The following DENND5B variants were observed in gnomAD, a reference collection of about 807,000 sequenced individuals.
DENND5B encodes the protein DENN domain-containing protein 5B.
In DENND5B, 34 loss-of-function variants were observed where a neutral mutation model predicts 140.6. The observed-to-expected ratio is 0.24, with a 90% CI of 0.18 to 0.32. The LOEUF (loss-of-function observed/expected upper bound fraction) is 0.32, where lower values mean the gene tolerates loss of function less well. DENND5B is among the 10% of genes least tolerant of loss of function. DENND5B has a pLI of 1.00. For synonymous variants in DENND5B, 551 were observed against 562.1 expected, an observed-to-expected ratio of 0.98 and a Z score of 0.28; for missense variants, 1,142 against 1,560.2, an observed-to-expected ratio of 0.73 and a Z score of 4.52.
intron 1 of DENND5B, among the ~76,000 whole-genome samples, chr12:31,547,194 T>C (rs1392808048): frequency 6.6e-6 from 1 of 152,216 alleles, no homozygotes; most frequent in African/African-American, 2.4e-5. Context: ...ATACACATTG[T>C]TAAACATATA....
At chr12:31,558,316 T>C (rs1054213859) in intron 1 of DENND5B, among the ~76,000 whole-genome samples, 3 of 150,534 alleles carry the variant, frequency 2.0e-5, no homozygotes, top group Non-Finnish European at 3.0e-5. Context: ...CAAGAGGCAA[T>C]TGCACTGGTG....
intron 3 of DENND5B, among the ~76,000 whole-genome samples, chr12:31,464,763 G>T (rs1343871558): frequency 6.6e-6 from 1 of 152,046 alleles, no homozygotes; most frequent in Non-Finnish European, 1.5e-5. Flanking sequence ...GTTTCGCCAT[G>T]TTGGCCAGGC....
chr12:31,409,420 T>TA, intron 13 of DENND5B, 36 bp from the exon 14 acceptor site: 2 of 1,137,314 alleles, frequency 1.8e-6, no homozygotes, highest in Non-Finnish European at 2.2e-6. Flanking sequence ...GACAGTAGTA[T>TA]CAAAGAAAAA....
intron 2 of DENND5B, among the ~76,000 whole-genome samples, chr12:31,487,135 T>C (rs1946338854): frequency 6.6e-6 from 1 of 152,212 alleles, no homozygotes; most frequent in African/African-American, 2.4e-5. Context: ...TTTCATATCA[T>C]TGAATATGAG....
chr12:31,398,895 G>C (rs1941631529), intron 16 of DENND5B, among the ~76,000 whole-genome samples: 1 of 151,994 alleles, frequency 6.6e-6, no homozygotes, highest in Non-Finnish European at 1.5e-5. Flanking sequence ...GCCAAGGTGG[G>C]TGGAACACTT....
intron 3 of DENND5B, among the ~76,000 whole-genome samples, chr12:31,479,106 A>T (rs1208660286): frequency 6.6e-6 from 1 of 152,154 alleles, no homozygotes; most frequent in Non-Finnish European, 1.5e-5. Context: ...ATGCTCCCAC[A>T]GGCAAAGATC....
At chr12:31,552,174 C>G (rs1949089618) in intron 1 of DENND5B, among the ~76,000 whole-genome samples, 1 of 152,078 alleles carries the variant, frequency 6.6e-6, no homozygotes, top group African/African-American at 2.4e-5. Context: ...CAGTTTTTGC[C>G]CATTCAGTAT....
At chr12:31,401,094 C>T (rs1248521012) in intron 15 of DENND5B, among the ~76,000 whole-genome samples, 2 of 152,150 alleles carry the variant, frequency 1.3e-5, no homozygotes, top group Non-Finnish European at 2.9e-5. Context: ...CCGCCTGCCT[C>T]GGCCTCCCAA....
At chr12:31,421,602 T>C (rs181301297) in intron 11 of DENND5B, among the ~76,000 whole-genome samples, 18 of 152,304 alleles carry the variant, frequency 1.2e-4, no homozygotes, top group Non-Finnish European at 2.6e-4. Context: ...CAGGCTGGCA[T>C]GCAGTGGCGC....
In DENND5B at chr12:31,443,043, A is replaced by AC. The variant is rs1555147680; in HGVS notation, c.1862-119_1862-118insG. 1.6e-3 allele frequency: 1,117 copies of AC among 699,914 alleles called. 9 individuals are homozygous for AC. The East Asian group carries it at 0.031, about 19-fold the overall frequency. 43.4% of individuals were successfully genotyped at this position (699,914 alleles called of 1,614,324 possible). On this transcript the variant is annotated intron_variant, in intron 6 of 20. Transcript: ENST00000389082. The stretch of plus-strand genomic sequence containing the variant: ...ATCACTCTGACACTCTGAAACAGAT[A>AC]TTGTGTGTGTGTGTGTGTGTGCACG...
intron 7 of DENND5B, among the ~76,000 whole-genome samples, chr12:31,441,080 C>A (rs1417524011): frequency 6.6e-6 from 1 of 151,856 alleles, no homozygotes; most frequent in Admixed American, 6.6e-5. Context: ...TGGTGGCTCA[C>A]ACCTATAATC....
intron 1 of DENND5B, among the ~76,000 whole-genome samples, chr12:31,561,590 A>G (rs1949476593): frequency 6.6e-6 from 1 of 152,246 alleles, no homozygotes; most frequent in Non-Finnish European, 1.5e-5. Flanking sequence ...AAACCTGATT[A>G]GCCAACATCT....
At chr12:31,496,973 A>G (rs752213020) in intron 1 of DENND5B, among the ~76,000 whole-genome samples, 5 of 152,204 alleles carry the variant, frequency 3.3e-5, no homozygotes, top group Non-Finnish European at 5.9e-5. Context: ...AGTGCAAAAT[A>G]CTAGCTGTTA....
chr12:31,426,131 A>G (rs1366515076), intron 9 of DENND5B, among the ~76,000 whole-genome samples, 162 bp downstream of exon 9: 1 of 152,192 alleles, frequency 6.6e-6, no homozygotes, highest in African/African-American at 2.4e-5. Flanking sequence ...GAACCCATGG[A>G]GGTTCAATAC....
At chr12:31,450,393 T>TCG (rs1944462118) in intron 5 of DENND5B, among the ~76,000 whole-genome samples, 1 of 152,220 alleles carries the variant, frequency 6.6e-6, no homozygotes, top group African/African-American at 2.4e-5. Context: ...AGGGTCTCAC[T>TCG]CGCTAGCCCA....
At chr12:31,502,427 C>A (rs1220737638) in intron 1 of DENND5B, among the ~76,000 whole-genome samples, 1 of 152,122 alleles carries the variant, frequency 6.6e-6, no homozygotes, top group Non-Finnish European at 1.5e-5. Flanking sequence ...ATACTGATAT[C>A]CCATTTCGTC....
intron 1 of DENND5B, among the ~76,000 whole-genome samples, chr12:31,568,625 T>G (rs1949711439): frequency 6.6e-6 from 1 of 152,216 alleles, no homozygotes; most frequent in African/African-American, 2.4e-5. Context: ...TCTTAACTTC[T>G]GCTGCCACTT....
At chr12:31,543,250 C>G (rs768545506) in intron 1 of DENND5B, among the ~76,000 whole-genome samples, 8 of 152,018 alleles carry the variant, frequency 5.3e-5, no homozygotes, top group Non-Finnish European at 1.0e-4. Flanking sequence ...CATAAAGATG[C>G]AAAACTGCTA....
chr12:31,519,309 TTG>T (rs1258812036), intron 1 of DENND5B, among the ~76,000 whole-genome samples: 2 of 152,212 alleles, frequency 1.3e-5, no homozygotes, highest in African/African-American at 4.8e-5. Flanking sequence ...ACTGCATGAC[TTG>T]TGAGTTAGCA....
Sources: allele counts gnomAD v4.1 joint callset (sites outside exome capture counted in the v4.1 genomes callset), GRCh38; gene constraint gnomAD v4.1.1; transcripts MANE v1.5; gene names NCBI Gene and HGNC (gene_info 2026-07-23, HGNC 2026-07-21).